LRP1B: variants seen among roughly 807,000 people sequenced by gnomAD.
LRP1B encodes low-density lipoprotein receptor-related protein 1B.
LRP1B carries 217 observed loss-of-function variants against 556.6 expected under a neutral mutation model. The observed-to-expected ratio is 0.39, with a 90% CI of 0.35 to 0.44. The LOEUF (loss-of-function observed/expected upper bound fraction) is 0.44. LRP1B is among the 20% of genes least tolerant of loss of function. LRP1B has a pLI of 1.00. For synonymous variants in LRP1B, 2,047 were observed against 1,865.8 expected, an observed-to-expected ratio of 1.10 and a Z score of -2.50; for missense variants, 5,053 against 5,620.8, an observed-to-expected ratio of 0.90 and a Z score of 3.23.
chr2:140,715,215 T>G (rs923752792), intron 37 of LRP1B, among the ~76,000 whole-genome samples: 1 of 151,926 alleles, frequency 6.6e-6, no homozygotes, highest in East Asian at 1.9e-4. Context: ...CATAAAGCAA[T>G]AGAAATTCCT....
intron 7 of LRP1B, among the ~76,000 whole-genome samples, chr2:141,074,413 C>G (rs996653147): frequency 6.6e-6 from 1 of 151,804 alleles, no homozygotes; most frequent in South Asian, 2.1e-4. Context: ...TCTTATTTTA[C>G]TTGCATAAAA....
chr2:140,693,746 C>T (rs1686327025), intron 41 of LRP1B, among the ~76,000 whole-genome samples: 1 of 152,088 alleles, frequency 6.6e-6, no homozygotes, highest in African/African-American at 2.4e-5. Context: ...CACACTCTGT[C>T]ACCCAGGCTG....
intron 43 of LRP1B, among the ~76,000 whole-genome samples, chr2:140,578,671 C>T (rs1681632045): frequency 6.6e-6 from 1 of 152,066 alleles, no homozygotes; most frequent in Non-Finnish European, 1.5e-5. Context: ...AGCACACCAA[C>T]ATGGCACATG....
chr2:140,706,412 A>T (rs1046869295), intron 37 of LRP1B, among the ~76,000 whole-genome samples: 1 of 152,194 alleles, frequency 6.6e-6, no homozygotes. Context: ...GTGTAACTGA[A>T]TTTTATCTGA....
At chr2:140,989,760 C>A (rs1005733242) in intron 16 of LRP1B, 103 bp from the exon 17 acceptor site, 4 of 1,064,058 alleles carry the variant, frequency 3.8e-6, no homozygotes, top group Non-Finnish European at 5.5e-6. Context: ...TATTATAGTA[C>A]AATAAATGTC....
rs747256437 is a variant in LRP1B, at chr2:140,756,996, G to A, written c.5758+12217C>T. ...GACAAAGACCCCAGTAATAAAATGG[G>A]CAAAAGCTTTAAATAGACATTTCTT... On this transcript the variant is annotated intron_variant, in intron 35 of 90. Transcript: ENST00000389484. Among the ~76,000 whole-genome samples, 60 of 151,958 alleles carry A rather than the reference G, an allele frequency of 3.9e-4. 1 individual carries two copies. The highest frequency in any genetic ancestry group is 5.0e-4 in the Non-Finnish European group (34 of 67,992).
chr2:142,031,337 T>TCTCTTAACGTATTGAAGAGAAAAAAA (rs1158009370), intron 1 of LRP1B, among the ~76,000 whole-genome samples: 1 of 125,736 alleles, frequency 8.0e-6, no homozygotes, highest in East Asian at 3.2e-4. Flanking sequence ...CTTATTTTTT[T>TCTCTTAACGTATTGAAGAGAAAAAAA]TTTTTTTTTT....
At chr2:141,605,572 A>G (rs1333034432) in intron 2 of LRP1B, among the ~76,000 whole-genome samples, 1 of 152,142 alleles carries the variant, frequency 6.6e-6, no homozygotes, top group Non-Finnish European at 1.5e-5. Context: ...TTTAAGCAGA[A>G]TGGCCTAGAG....
chr2:141,181,037 G>T (rs139949702), intron 7 of LRP1B, among the ~76,000 whole-genome samples: 24 of 152,070 alleles, frequency 1.6e-4, no homozygotes, highest in Admixed American at 1.1e-3. Context: ...TCATGCTCAT[G>T]TCTCTCTGTT....
chr2:141,500,831 G>A (rs373558112), intron 2 of LRP1B, among the ~76,000 whole-genome samples: 3 of 152,170 alleles, frequency 2.0e-5, no homozygotes, highest in Admixed American at 1.3e-4. Flanking sequence ...CCTTTGGGAT[G>A]ATCTAGAGGC....
intron 1 of LRP1B, among the ~76,000 whole-genome samples, chr2:142,036,129 C>T (rs1275505254): frequency 2.6e-5 from 4 of 151,586 alleles, no homozygotes; most frequent in Non-Finnish European, 4.4e-5. Flanking sequence ...TAATACACCC[C>T]AAGAACACCA....
chr2:140,383,847 G>T (rs930885180), intron 67 of LRP1B, among the ~76,000 whole-genome samples: 5 of 151,930 alleles, frequency 3.3e-5, no homozygotes, highest in African/African-American at 7.3e-5. Context: ...CACATAATTG[G>T]GTATTTTATA....
chr2:141,512,568 C>G (rs1241494634), intron 2 of LRP1B, among the ~76,000 whole-genome samples: 1 of 152,094 alleles, frequency 6.6e-6, no homozygotes, highest in Non-Finnish European at 1.5e-5. Flanking sequence ...CTTCATGGAG[C>G]TGAGCACACC....
At chr2:140,969,189 A>G (rs1018782883) in intron 18 of LRP1B, among the ~76,000 whole-genome samples, 9 of 152,086 alleles carry the variant, frequency 5.9e-5, no homozygotes, top group African/African-American at 2.2e-4. Context: ...GTCTCTAAGG[A>G]CTTGCTTTAT....
intron 7 of LRP1B, among the ~76,000 whole-genome samples, chr2:141,161,420 G>A (rs1362042592): frequency 6.6e-6 from 1 of 152,008 alleles, no homozygotes; most frequent in Non-Finnish European, 1.5e-5. Flanking sequence ...TTAATCTGAG[G>A]CTACATTATT....
intron 32 of LRP1B, among the ~76,000 whole-genome samples, chr2:140,804,883 T>C (rs1273936229): frequency 6.6e-6 from 1 of 152,012 alleles, no homozygotes; most frequent in African/African-American, 2.4e-5. Flanking sequence ...GCCTTGACTT[T>C]CCCATGGGTA....
intron 1 of LRP1B, among the ~76,000 whole-genome samples, chr2:141,827,940 A>C (rs1297983543): frequency 6.6e-6 from 1 of 152,038 alleles, no homozygotes; most frequent in East Asian, 1.9e-4. Flanking sequence ...ACACAGAAGA[A>C]ATTCTACATG....
chr2:141,690,655 A>G (rs1384219126), intron 2 of LRP1B, among the ~76,000 whole-genome samples: 1 of 150,966 alleles, frequency 6.6e-6, no homozygotes. Context: ...TGCTAATCCC[A>G]TAATTATTTT....
chr2:140,752,542 C>A (rs993642358), intron 35 of LRP1B, among the ~76,000 whole-genome samples: 5 of 151,984 alleles, frequency 3.3e-5, no homozygotes, highest in African/African-American at 1.2e-4. Context: ...CCAGGCTGGT[C>A]TCAAATTCCT....
Sources: gnomAD v4.1 joint callset for allele counts (sites outside exome capture counted in the v4.1 genomes callset) on GRCh38, gnomAD v4.1.1 for gene constraint, MANE v1.5 for transcripts, NCBI Gene and HGNC (gene_info 2026-07-23, HGNC 2026-07-21) for gene names.